LRRC28: variants seen among roughly 807,000 people sequenced by gnomAD.
LRRC28 encodes the protein leucine rich repeat containing 28, also known as leucine-rich repeat-containing protein 28.
LRRC28 carries 39 observed loss-of-function variants against 45.7 expected under a neutral mutation model. The observed-to-expected ratio is 0.85, with a 90% CI of 0.66 to 1.12. LRRC28 has a LOEUF of 1.12. Ranked by LOEUF, LRRC28 falls within the 50% of genes most tolerant of loss-of-function variation. The probability of loss-of-function intolerance (pLI) is 0.00; values close to 1 mark genes in which losing one functional copy is unlikely to be tolerated. For missense variants in LRRC28, 435 were observed against 438.5 expected (o/e 0.99, Z 0.07); for synonymous variants, 206 against 178.8 (o/e 1.15, Z -1.22).
chr15:99,323,996 T>TA (rs1955886289), intron 5 of LRRC28, among the ~76,000 whole-genome samples: 2 of 152,328 alleles, frequency 1.3e-5, no homozygotes, highest in African/African-American at 4.8e-5. Flanking sequence ...AAGGAAGACT[T>TA]ACTGTACACC....
At chr15:99,363,597 C>T (rs766297624) in intron 9 of LRRC28, among the ~76,000 whole-genome samples, 10 of 152,160 alleles carry the variant, frequency 6.6e-5, no homozygotes, top group Non-Finnish European at 1.3e-4. Context: ...TGTTACATAA[C>T]GGGATGAGCC....
chr15:99,386,237 A>G lies in LRRC28; in HGVS notation c.*135A>G. On this transcript the variant is annotated 3_prime_UTR_variant, in exon 10 of 10. Coordinates refer to ENST00000301981, the MANE Select transcript of LRRC28 (RefSeq NM_144598.5). ...TCTAGAAATGTCATGATTGAGCTTC[A>G]GAGCTAAAATGCCTTCACCCTTCCC... 1 of 705,620 alleles carries G rather than the reference A, an allele frequency of 1.4e-6. No homozygotes were observed. Among genetic ancestry groups the G allele is most frequent in the Non-Finnish European group, 2.5e-6 (1 of 406,316 alleles). 43.7% of individuals were successfully genotyped at this position (705,620 alleles called of 1,614,324 possible). A position where few individuals can be genotyped will look rare whatever the true frequency, so the allele number is the denominator to read the frequency against.
intron 5 of LRRC28, among the ~76,000 whole-genome samples, chr15:99,314,027 G>T (rs1187872788): frequency 6.6e-6 from 1 of 152,178 alleles, no homozygotes; most frequent in African/African-American, 2.4e-5. Flanking sequence ...GTTATGAATA[G>T]TTGTTTTTCA....
At chr15:99,305,973 C>G (rs1955167422) in intron 5 of LRRC28, among the ~76,000 whole-genome samples, 1 of 152,184 alleles carries the variant, frequency 6.6e-6, no homozygotes, top group Admixed American at 6.5e-5. Flanking sequence ...GGTAGTAGTT[C>G]ATTTATTTTT....
intron 5 of LRRC28, among the ~76,000 whole-genome samples, chr15:99,323,998 C>T (rs1955886392): frequency 6.6e-6 from 1 of 152,172 alleles, no homozygotes; most frequent in Non-Finnish European, 1.5e-5. Flanking sequence ...GGAAGACTTA[C>T]TGTACACCAA....
In LRRC28 at chr15:99,354,993, C is replaced by A. The variant is rs543440506; in HGVS notation, c.695+2522C>A. ...ATATAAGAAAAGTCTGAGATATATACGTATTTATCTCAGATTCACATCTCA... is the reference window on the plus strand; with the variant it reads ...ATATAAGAAAAGTCTGAGATATATAAGTATTTATCTCAGATTCACATCTCA... On this transcript the variant is annotated intron_variant, in intron 7 of 9. Coordinates refer to ENST00000301981, the MANE Select transcript of LRRC28 (RefSeq NM_144598.5). 3.9e-5 allele frequency among the ~76,000 whole-genome samples: 6 copies of A among 152,212 alleles called. No homozygotes were observed. The South Asian group carries it at 1.2e-3, about 32-fold the overall frequency.
chr15:99,355,751 A>C (rs1014389700), intron 7 of LRRC28: 2 of 145,878 alleles, frequency 1.4e-5, no homozygotes, highest in African/African-American at 2.8e-5. Flanking sequence ...AAAAAAAAAA[A>C]AAACCAAGCC....
intron 2 of LRRC28, chr15:99,257,640 T>G: frequency 1.4e-6 from 1 of 712,696 alleles, no homozygotes; most frequent in Non-Finnish European, 2.7e-6. Context: ...GTGAAGGCCC[T>G]GTGGGTGCTG....
intron 5 of LRRC28, among the ~76,000 whole-genome samples, chr15:99,307,662 A>G (rs1955236306): frequency 1.3e-5 from 2 of 152,240 alleles, no homozygotes; most frequent in Non-Finnish European, 2.9e-5. Flanking sequence ...GTTTATTTCT[A>G]TCCTCTTAGA....
At position 99,386,884 on chromosome 15, in the gene LRRC28, ACAAGATCTGATTTTTTTCTTT is replaced by A. The variant is rs1354529518; in HGVS notation, c.*784_*804del. The A allele has an allele frequency of 5.9e-5, 9 of 152,320 alleles. No individual in the cohort carries two copies. Among genetic ancestry groups the A allele is most frequent in the African/African-American group, 2.2e-4 (9 of 41,576 alleles). 9.4% of individuals were successfully genotyped at this position (152,320 alleles called of 1,614,324 possible). A position where few individuals can be genotyped will look rare whatever the true frequency, so the allele number is the denominator to read the frequency against. On this transcript the variant is annotated 3_prime_UTR_variant, in exon 10 of 10. Transcript: ENST00000301981. The stretch of plus-strand genomic sequence containing the variant: ...GAATTTGAGGAATATTTGAAGCTTT[ACAAGATCTGATTTTTTTCTTT>A]CTCAATATAAAGTTTCCATACAATG...
At chr15:99,281,170 G>A (rs1016811505) in intron 3 of LRRC28, among the ~76,000 whole-genome samples, 2 of 152,048 alleles carry the variant, frequency 1.3e-5, no homozygotes, top group Non-Finnish European at 2.9e-5. Flanking sequence ...TAGAAGTACA[G>A]GCATGCACCA....
At chr15:99,347,031 C>A (rs1956705273) in intron 6 of LRRC28, among the ~76,000 whole-genome samples, 1 of 152,096 alleles carries the variant, frequency 6.6e-6, no homozygotes, top group Non-Finnish European at 1.5e-5. Context: ...ATGACAAGAG[C>A]AGCTAAAAAT....
chr15:99,365,706 A>G (rs1023382425), intron 9 of LRRC28, among the ~76,000 whole-genome samples: 1 of 152,258 alleles, frequency 6.6e-6, no homozygotes, highest in Non-Finnish European at 1.5e-5. Context: ...AATTAATGTG[A>G]ACATCTGGCA....
chr15:99,320,111 G>A (rs545460246), intron 5 of LRRC28, among the ~76,000 whole-genome samples: 2 of 152,194 alleles, frequency 1.3e-5, no homozygotes, highest in South Asian at 2.1e-4. Context: ...CCAGCCGGGA[G>A]CATTTTATTT....
chr15:99,367,117 C>G (rs1428751101), intron 9 of LRRC28, among the ~76,000 whole-genome samples: 1 of 152,160 alleles, frequency 6.6e-6, no homozygotes, highest in African/African-American at 2.4e-5. Flanking sequence ...ACAAGACTGC[C>G]TCCACTTAAG....
intron 9 of LRRC28, among the ~76,000 whole-genome samples, chr15:99,381,240 C>CT (rs1320759150): frequency 1.3e-5 from 2 of 152,108 alleles, no homozygotes; most frequent in African/African-American, 4.8e-5. Flanking sequence ...TCTTTTTACT[C>CT]TTTTTTCTCT....
chr15:99,377,857 G>A (rs1377627589), intron 9 of LRRC28, among the ~76,000 whole-genome samples: 4 of 151,962 alleles, frequency 2.6e-5, no homozygotes, highest in African/African-American at 7.3e-5. Flanking sequence ...GGTTGTAGAT[G>A]TGTGGCATTA....
chr15:99,274,765 G>A lies in LRRC28; in HGVS notation c.169-1811G>A, dbSNP rs981777378. Among the ~76,000 whole-genome samples, 8 of 152,172 alleles carry A rather than the reference G, an allele frequency of 5.3e-5. 1 individual carries two copies. Among genetic ancestry groups the A allele is most frequent in the Admixed American group, 3.3e-4 (5 of 15,288 alleles). ...AAGATTTCTTCGGGAGTGCTGTTAT[G>A]TAGTTATAGCAGAATGGATTGTATT... On this transcript the variant is annotated intron_variant, in intron 2 of 9. Transcript: ENST00000301981.
In LRRC28 at chr15:99,334,085, A is replaced by T; in HGVS notation, c.548A>T (p.Asn183Ile). 1 of 1,614,140 alleles carries T rather than the reference A, an allele frequency of 6.2e-7. No individual in the cohort carries two copies. Among genetic ancestry groups the T allele is most frequent in the Non-Finnish European group, 8.5e-7 (1 of 1,179,990 alleles). Reference sequence around the variant, plus strand: ...CATCTCTGCCAGCTGCCCAGCCTCAATGAGCTCTCCATGGCTGGAAACCGT... The same window carrying T: ...CATCTCTGCCAGCTGCCCAGCCTCATTGAGCTCTCCATGGCTGGAAACCGT... ...PRHLCQLPSL[N>I]ELSMAGNRLA... The change falls in exon 6 of 10, where the codon AAT becomes ATT. Residue 183 changes from asparagine to isoleucine, a missense_variant. Coordinates refer to ENST00000301981, the MANE Select transcript of LRRC28 (RefSeq NM_144598.5).
Sources: gnomAD v4.1 joint callset for allele counts (sites outside exome capture counted in the v4.1 genomes callset) on GRCh38, gnomAD v4.1.1 for gene constraint, MANE v1.5 for transcripts, NCBI Gene and HGNC (gene_info 2026-07-23, HGNC 2026-07-21) for gene names.